The following SPTLC3 variants were observed in gnomAD, a reference collection of about 807,000 sequenced individuals.
SPTLC3 encodes serine palmitoyltransferase 3.
A neutral mutation model predicts 59.3 loss-of-function variants in SPTLC3; 36 were observed. The ratio of observed to expected loss-of-function variants is 0.61; its 90% CI spans 0.47 to 0.80. The LOEUF (loss-of-function observed/expected upper bound fraction) is 0.80, where lower values mean the gene tolerates loss of function less well. Ranked by LOEUF, SPTLC3 falls within the 30% of genes least tolerant of loss-of-function variation. The pLI is 0.00. For synonymous variants in SPTLC3, 257 were observed against 240.8 expected (o/e 1.07, Z -0.62); for missense variants, 625 against 685.1 (o/e 0.91, Z 0.98).
chr20:13,052,837 T>C (rs1216183658), intron 2 of SPTLC3, among the ~76,000 whole-genome samples: 1 of 152,062 alleles, frequency 6.6e-6, no homozygotes, highest in Non-Finnish European at 1.5e-5. Flanking sequence ...AGACTGCCAC[T>C]CTAGATTCCT....
At position 13,104,174 on chromosome 20, in the gene SPTLC3, A is replaced by G. The variant is rs148638653; in HGVS notation, c.827-5938A>G. The stretch of plus-strand genomic sequence containing the variant: ...CTAGGACTGTTTTGCACTAGGCACC[A>G]GAACATGGTCTCCACATTTTCATTT... On this transcript the variant is annotated intron_variant, in intron 6 of 11. Coordinates refer to ENST00000399002, the MANE Select transcript of SPTLC3 (RefSeq NM_018327.4). Among the ~76,000 whole-genome samples, 694 of 152,314 alleles carry G rather than the reference A, an allele frequency of 4.6e-3. 4 individuals are homozygous for G. The highest frequency in any genetic ancestry group is 0.01 in the Middle Eastern group (3 of 294).
At chr20:13,028,182 C>T (rs1345849454) in intron 1 of SPTLC3, among the ~76,000 whole-genome samples, 2 of 152,148 alleles carry the variant, frequency 1.3e-5, no homozygotes, top group East Asian at 1.9e-4. Context: ...GAACTTCTTA[C>T]ATATTAGAAT....
intron 9 of SPTLC3, chr20:13,133,144 T>G (rs188834401): frequency 6.6e-6 from 1 of 151,708 alleles, no homozygotes; most frequent in East Asian, 2.0e-4. Context: ...TCTTCCTCTC[T>G]TTTCTGCCAG....
At chr20:13,102,291 AAAG>A (rs386812642) in intron 6 of SPTLC3, among the ~76,000 whole-genome samples, 68,508 of 151,862 alleles carry the variant, frequency 0.45, 18,489 homozygotes, top group African/African-American at 0.78. Flanking sequence ...ATGATAATTA[AAAG>A]GTATTGAGCC....
chr20:13,156,203 C>T (rs2038765294), intron 10 of SPTLC3, among the ~76,000 whole-genome samples: 1 of 152,146 alleles, frequency 6.6e-6, no homozygotes. Flanking sequence ...TGAAAATAAA[C>T]TTGTCCAAGG....
chr20:13,018,957 C>T (rs1985714770), intron 1 of SPTLC3, among the ~76,000 whole-genome samples: 1 of 152,186 alleles, frequency 6.6e-6, no homozygotes, highest in Non-Finnish European at 1.5e-5. Flanking sequence ...GGGAAAAACA[C>T]TACAAGCATA....
At chr20:13,012,571 G>T (rs994216370) in intron 1 of SPTLC3, among the ~76,000 whole-genome samples, 1 of 152,168 alleles carries the variant, frequency 6.6e-6, no homozygotes, top group Admixed American at 6.5e-5. Flanking sequence ...ATAGATACTA[G>T]TACTAGAAGT....
At chr20:13,149,535 G>T (rs1401341924) in intron 9 of SPTLC3, among the ~76,000 whole-genome samples, 1 of 152,208 alleles carries the variant, frequency 6.6e-6, no homozygotes, top group Non-Finnish European at 1.5e-5. Flanking sequence ...GTAATTGAAA[G>T]GAGCTGTATC....
intron 9 of SPTLC3, among the ~76,000 whole-genome samples, chr20:13,130,435 T>C (rs866153174): frequency 6.6e-6 from 1 of 152,224 alleles, no homozygotes; most frequent in Admixed American, 6.5e-5. Flanking sequence ...GATCTGTTCC[T>C]TGATGAATGT....
intron 5 of SPTLC3, 134 bp from the exon 6 acceptor site, chr20:13,093,350 C>A: frequency 1.4e-6 from 1 of 722,864 alleles, no homozygotes; most frequent in Non-Finnish European, 2.3e-6. Flanking sequence ...CCAGGTTAAA[C>A]TCTTGGCCTT....
chr20:13,078,357 C>T (rs909783998), intron 4 of SPTLC3, among the ~76,000 whole-genome samples: 1 of 150,954 alleles, frequency 6.6e-6, no homozygotes, highest in Admixed American at 6.6e-5. Context: ...ATTGAAATAG[C>T]TAAGAAGTAA....
intron 6 of SPTLC3, among the ~76,000 whole-genome samples, chr20:13,099,309 G>A (rs1254318075): frequency 6.6e-6 from 1 of 152,158 alleles, no homozygotes; most frequent in Middle Eastern, 3.2e-3. Context: ...GAAAAACCAA[G>A]GACATGGATT....
intron 2 of SPTLC3, among the ~76,000 whole-genome samples, chr20:13,064,805 A>G (rs1988130813): frequency 6.6e-6 from 1 of 152,198 alleles, no homozygotes; most frequent in Non-Finnish European, 1.5e-5. Context: ...TCTTCATAGC[A>G]GTCTTCCTGT....
At chr20:13,151,030 GTC>G (rs1365287692) in intron 9 of SPTLC3, among the ~76,000 whole-genome samples, 1 of 152,056 alleles carries the variant, frequency 6.6e-6, no homozygotes, top group Non-Finnish European at 1.5e-5. Context: ...TTTTATTAAT[GTC>G]TGTTTCTCTC....
rs1370267202 is a variant in SPTLC3 at position 13,047,377 on chromosome 20, TTCTAAATACA to T, written c.118-1556_118-1547del. Reference sequence around the variant, plus strand: ...GTACACGATTTAATATCATAAATCATTCTAAATACATCTAAATACATATATATGTATAAGC... The same window carrying T: ...GTACACGATTTAATATCATAAATCATTCTAAATACATATATATGTATAAGC... On this transcript the variant is annotated intron_variant, in intron 1 of 11. Transcript: ENST00000399002. 3.3e-5 allele frequency among the ~76,000 whole-genome samples: 5 copies of T among 152,158 alleles called. 1 individual carries two copies. The highest frequency in any genetic ancestry group is 2.6e-4 in the Admixed American group (4 of 15,282).
chr20:13,023,911 T>C (rs1165168287), intron 1 of SPTLC3, among the ~76,000 whole-genome samples: 9 of 152,204 alleles, frequency 5.9e-5, no homozygotes, highest in Non-Finnish European at 1.2e-4. Flanking sequence ...GGAAAATGAC[T>C]AATCTCCCAA....
At chr20:13,100,504 A>G (rs1989563873) in intron 6 of SPTLC3, among the ~76,000 whole-genome samples, 1 of 152,170 alleles carries the variant, frequency 6.6e-6, no homozygotes, top group Non-Finnish European at 1.5e-5. Flanking sequence ...CTAAGATGAA[A>G]GGCTCACTTA....
At position 13,056,541 on chromosome 20, in the gene SPTLC3, T is replaced by C. The variant is rs1411259967; in HGVS notation, c.303+7411T>C. Reference sequence around the variant, plus strand: ...CGGCTCACTGCAAACCTCCACCACCTGGGCTCAAGTGATCCTCCCACCTCA... The same window carrying C: ...CGGCTCACTGCAAACCTCCACCACCCGGGCTCAAGTGATCCTCCCACCTCA... On this transcript the variant is annotated intron_variant, in intron 2 of 11. Coordinates refer to ENST00000399002, the MANE Select transcript of SPTLC3 (RefSeq NM_018327.4). Among the ~76,000 whole-genome samples, 3 of 146,920 alleles carry C rather than the reference T, an allele frequency of 2.0e-5. No homozygotes were observed. The East Asian group carries it at 6.2e-4, about 31-fold the overall frequency.
At chr20:13,101,254 G>T (rs1314168345) in intron 6 of SPTLC3, among the ~76,000 whole-genome samples, 1 of 152,212 alleles carries the variant, frequency 6.6e-6, no homozygotes, top group Non-Finnish European at 1.5e-5. Context: ...AATGGCCTGT[G>T]TTTGCATGAA....
Sources: gnomAD v4.1 joint callset for allele counts (sites outside exome capture counted in the v4.1 genomes callset) on GRCh38, gnomAD v4.1.1 for gene constraint, MANE v1.5 for transcripts, NCBI Gene and HGNC (gene_info 2026-07-23, HGNC 2026-07-21) for gene names.